Variants in PCDH10 observed in about 807,000 individuals in gnomAD.
The protein encoded by PCDH10 is protocadherin 10.
PCDH10 carries 15 observed loss-of-function variants against 74.4 expected under a neutral mutation model. The ratio of observed to expected loss-of-function variants is 0.20; its 90% CI spans 0.13 to 0.31. The LOEUF is 0.31. Ranked by LOEUF, PCDH10 falls within the 10% of genes least tolerant of loss-of-function variation. PCDH10 has a pLI of 1.00. For synonymous variants in PCDH10, 619 were observed against 589.8 expected, an observed-to-expected ratio of 1.05 and a Z score of -0.72; for missense variants, 1,260 against 1,390.2, an observed-to-expected ratio of 0.91 and a Z score of 1.49.
At chr4:133,153,045 T>TC in intron 1 of PCDH10, 1 of 1,399,008 alleles carries the variant, frequency 7.1e-7, no homozygotes, top group East Asian at 2.7e-5. Flanking sequence ...ATCCTGTCAG[T>TC]CCTTTCCCTT....
chr4:133,180,169 T>A (rs1727384609), intron 4 of PCDH10, among the ~76,000 whole-genome samples: 1 of 152,100 alleles, frequency 6.6e-6, no homozygotes, highest in South Asian at 2.1e-4. Flanking sequence ...CCCTGCTAAT[T>A]TCACTAAGCT....
chr4:133,164,347 T>C (rs972298116), intron 4 of PCDH10, among the ~76,000 whole-genome samples: 1 of 152,044 alleles, frequency 6.6e-6, no homozygotes, highest in African/African-American at 2.4e-5. Flanking sequence ...CATGATGCGA[T>C]CTTTGCCTCT....
In PCDH10 at chr4:133,164,359, A is replaced by T. The variant is rs753424334; in HGVS notation, c.3103+1077A>T. Among the ~76,000 whole-genome samples, 218 of 152,140 alleles carry T rather than the reference A, an allele frequency of 1.4e-3. 1 individual carries two copies. Among genetic ancestry groups the T allele is most frequent in the Admixed American group, 9.2e-4 (14 of 15,266 alleles). On this transcript the variant is annotated intron_variant, in intron 4 of 4. Coordinates refer to ENST00000264360, the MANE Select transcript of PCDH10 (RefSeq NM_032961.3). ...GAACATGATGCGATCTTTGCCTCTG[A>T]AATTGAATTCTGGATTCAAAATTTT... is the stretch of plus-strand genomic sequence containing the variant.
At chr4:133,195,940 C>T (rs910197353), downstream of PCDH10, among the ~76,000 whole-genome samples, 7 of 152,076 alleles carry the variant, frequency 4.6e-5, no homozygotes, top group Non-Finnish European at 8.8e-5. Context: ...CAAATTTAAA[C>T]TTATTTAATG....
intron 2 of PCDH10, among the ~76,000 whole-genome samples, chr4:133,154,646 A>C (rs1462124637): frequency 2.6e-5 from 4 of 152,212 alleles, no homozygotes; most frequent in Non-Finnish European, 4.4e-5. Flanking sequence ...GTATATTTAT[A>C]TCTATTTTAT....
rs568466294 is a variant in PCDH10 at position 133,173,455 on chromosome 4, A to G, written c.3103+10173A>G. ...CGGTTCTTGCTCCTGAGGGATATGG[A>G]AACATTTTACCTAGAAAGCTTTATA... On this transcript the variant is annotated intron_variant, in intron 4 of 4. Transcript: ENST00000264360. Among the ~76,000 whole-genome samples, 3 of 152,074 alleles carry G rather than the reference A, an allele frequency of 2.0e-5. No individual in the cohort carries two copies. The South Asian group carries it at 6.2e-4, about 31-fold the overall frequency.
At chr4:133,156,197 C>T (rs1359536314) in intron 3 of PCDH10, among the ~76,000 whole-genome samples, 2 of 152,244 alleles carry the variant, frequency 1.3e-5, no homozygotes, top group African/African-American at 4.8e-5. Context: ...GGGCAGCGTA[C>T]ACCCCATGGT....
rs1726742765 is a variant in PCDH10 at position 133,152,466 on chromosome 4, C to T, written c.2326C>T (p.Arg776Trp). Residue 776 changes from arginine (R) to tryptophan (W), a missense_variant, in exon 1 of 5, where the codon CGG becomes TGG. Physicochemically the swap from Arg to Trp is moderately radical, Grantham distance 101 (BLOSUM62 -3). Around this residue, in one of 11 missense-constraint regions of PCDH10, gnomAD observed 587 missense variants for 616.9 expected, o/e 0.95. Coordinates refer to ENST00000264360, the MANE Select transcript of PCDH10 (RefSeq NM_032961.3). Reference protein sequence around the residue: ...GGSTCCGRQARARKKKLSKSD... With the variant: ...GGSTCCGRQAWARKKKLSKSD... The stretch of plus-strand genomic sequence containing the variant: ...TTCGACCTGCTGTGGCCGCCAAGCC[C>T]GGGCGCGCAAGAAGAAACTCAGCAA... 2.5e-6 allele frequency: 4 copies of T among 1,614,122 alleles called. No homozygotes were observed. Among genetic ancestry groups the T allele is most frequent in the Non-Finnish European group, 3.4e-6 (4 of 1,180,014 alleles).
chr4:133,183,545 T>C (rs1727463939), intron 4 of PCDH10, among the ~76,000 whole-genome samples: 2 of 152,186 alleles, frequency 1.3e-5, no homozygotes, highest in Admixed American at 1.3e-4. Flanking sequence ...TTAAGTCTTT[T>C]GCATAGCAAT....
At chr4:133,199,323 AATAATT>A (rs1317021922), downstream of PCDH10, among the ~76,000 whole-genome samples, 5 of 143,904 alleles carry the variant, frequency 3.5e-5, no homozygotes, top group African/African-American at 1.0e-4. Context: ...TAATAATAAT[AATAATT>A]AATTAAATAG....
chr4:133,169,321 T>G (rs1403994682), intron 4 of PCDH10, among the ~76,000 whole-genome samples: 1 of 151,790 alleles, frequency 6.6e-6, no homozygotes, highest in Non-Finnish European at 1.5e-5. Flanking sequence ...TTCACAGATA[T>G]ATGGTTAAGT....
intron 3 of PCDH10, among the ~76,000 whole-genome samples, chr4:133,159,561 G>A (rs1726924714): frequency 1.3e-5 from 2 of 152,106 alleles, no homozygotes; most frequent in African/African-American, 4.8e-5. Flanking sequence ...AGCCAGGTGA[G>A]GGATGTGAAA....
At chr4:133,154,858 A>C (rs1269348798) in intron 2 of PCDH10, 59 bp from the exon 3 acceptor site, 10 of 1,184,550 alleles carry the variant, frequency 8.4e-6, no homozygotes, top group Non-Finnish European at 1.3e-5. Context: ...GTGGCAGAAG[A>C]ATGTTTTCTG....
At chr4:133,198,735 T>C (rs974621771), downstream of PCDH10, among the ~76,000 whole-genome samples, 2 of 152,190 alleles carry the variant, frequency 1.3e-5, no homozygotes, top group African/African-American at 4.8e-5. Context: ...AGCTATATGA[T>C]AAGGCTACAA....
chr4:133,163,062 T>A lies in PCDH10; in HGVS notation c.2883T>A (p.Ser961=), dbSNP rs1399925412. ...DRCWMPSFVP[S]DGRQAADYRS... is the part of the protein sequence containing the mutation. Reference sequence around the variant, plus strand: ...GCTGGATGCCTTCTTTTGTCCCTTCTGATGGACGCCAGGCTGCTGATTATC... The same window carrying A: ...GCTGGATGCCTTCTTTTGTCCCTTCAGATGGACGCCAGGCTGCTGATTATC... The change falls in exon 4 of 5, where the codon TCT becomes TCA. Residue 961 remains serine, a synonymous_variant. Coordinates refer to ENST00000264360, the MANE Select transcript of PCDH10 (RefSeq NM_032961.3). 1 of 1,614,068 alleles carries A rather than the reference T, an allele frequency of 6.2e-7. No homozygotes were observed. Among genetic ancestry groups the A allele is most frequent in the Non-Finnish European group, 8.5e-7 (1 of 1,180,008 alleles).
chr4:133,176,783 T>C (rs182877483), intron 4 of PCDH10, among the ~76,000 whole-genome samples: 1 of 152,264 alleles, frequency 6.6e-6, no homozygotes, highest in East Asian at 1.9e-4. Flanking sequence ...TTATAACTTT[T>C]AAAAGTTCAT....
At chr4:133,163,782 G>C (rs968477007) in intron 4 of PCDH10, 1 of 359,250 alleles carries the variant, frequency 2.8e-6, no homozygotes, top group Non-Finnish European at 5.3e-6. Flanking sequence ...AAAAATAACT[G>C]TGGAACTTAT....
intron 3 of PCDH10, among the ~76,000 whole-genome samples, chr4:133,158,284 C>G (rs1266552577): frequency 1.3e-5 from 2 of 151,896 alleles, no homozygotes; most frequent in South Asian, 4.1e-4. Flanking sequence ...TGAGGTATAT[C>G]TAAAGTGATC....
At chr4:133,154,810 G>A in intron 2 of PCDH10, 107 bp from the exon 3 acceptor site, 1 of 738,338 alleles carries the variant, frequency 1.4e-6, no homozygotes, top group East Asian at 2.6e-5. Context: ...AGCCAACTAA[G>A]AGGTCTGTGA....
Sources: allele counts gnomAD v4.1 joint callset (sites outside exome capture counted in the v4.1 genomes callset), GRCh38; gene constraint gnomAD v4.1.1; regional missense constraint gnomAD v4.1.1; transcripts MANE v1.5; gene names NCBI Gene and HGNC (gene_info 2026-07-23, HGNC 2026-07-21).